The following HPN variants were observed in gnomAD, a reference collection of about 807,000 sequenced individuals.
HPN encodes the protein hepsin.
HPN carries 13 observed loss-of-function variants against 55.9 expected under a neutral mutation model. The ratio of observed to expected loss-of-function variants is 0.23; its 90% confidence interval spans 0.15 to 0.37. The LOEUF (loss-of-function observed/expected upper bound fraction) is 0.37. Among genes scored for constraint, HPN ranks in the 10% least tolerant of loss-of-function variants. The pLI is 1.00. For synonymous variants in HPN, 225 were observed against 240.3 expected (o/e 0.94, Z 0.59); for missense variants, 451 against 575.8 (o/e 0.78, Z 2.22).
chr19:35,063,722 G>C (rs1407825995), intron 9 of HPN, among the ~76,000 whole-genome samples: 1 of 152,160 alleles, frequency 6.6e-6, no homozygotes, highest in Admixed American at 6.5e-5. Flanking sequence ...AAGTAAGGAC[G>C]CATCTTTGAG....
chr19:35,042,096 C>A, intron 1 of HPN: 1 of 1,112,194 alleles, frequency 9.0e-7, no homozygotes, highest in Non-Finnish European at 1.1e-6. Context: ...GAGTTCCAGC[C>A]CTCAGGCCCC....
rs867358162 is a variant in HPN at position 35,048,028 on chromosome 19, A to G, written c.17-1262A>G. 4.3e-3 allele frequency among the ~76,000 whole-genome samples: 380 copies of G among 87,416 alleles called. 7 individuals are homozygous for G. The highest frequency in any genetic ancestry group is 0.014 in the African/African-American group (357 of 25,006). 57.3% of individuals were successfully genotyped at this position (87,416 alleles called of 152,430 possible). A position where few individuals can be genotyped will look rare whatever the true frequency, so the allele number is the denominator to read the frequency against. On this transcript the variant is annotated intron_variant, in intron 2 of 12. Transcript: ENST00000672452. ...AGAAAAAGAAAGAGAGAGAGAGAGA[A>G]AAAGAAAGAAAGAAAGAAAGAAAGA... is the stretch of plus-strand genomic sequence containing the variant.
At chr19:35,044,725 C>T (rs1330697777) in intron 2 of HPN, among the ~76,000 whole-genome samples, 2 of 152,106 alleles carry the variant, frequency 1.3e-5, no homozygotes, top group East Asian at 1.9e-4. Context: ...GCTGGAAATG[C>T]CAGGCTGAGG....
chr19:35,057,406 A>G (rs2064466590), intron 4 of HPN, among the ~76,000 whole-genome samples: 1 of 151,096 alleles, frequency 6.6e-6, no homozygotes, highest in African/African-American at 2.5e-5. Context: ...AGCCTGGGTG[A>G]CAGAGCGAGA....
intron 12 of HPN, 106 bp from the exon 13 acceptor site, chr19:35,066,143 C>A: frequency 2.5e-6 from 4 of 1,612,946 alleles, no homozygotes; most frequent in Non-Finnish European, 3.4e-6. Context: ...AGAAGAGGGC[C>A]CCCCTTGGGA....
rs527909292 is a variant in HPN at position 35,047,748 on chromosome 19, CTTTG to C, written c.17-1537_17-1534del. ...GTGGCTCACGCCTGCAATTCCAACA[CTTTG>C]TTTGGGAGGCTGAGACAAGCAGATA... On this transcript the variant is annotated intron_variant, in intron 2 of 12. Transcript: ENST00000672452. 2.2e-4 allele frequency among the ~76,000 whole-genome samples: 33 copies of C among 152,000 alleles called. No homozygotes were observed. The South Asian group carries it at 3.5e-3, about 16-fold the overall frequency.
Position 35,042,533 on chromosome 19 carries a change from T to G in HPN, c.16+11T>G. The G allele has an allele frequency of 6.2e-7, 1 of 1,606,528 alleles. No individual in the cohort carries two copies. The stretch of plus-strand genomic sequence containing the variant: ...TGGCGCAGAAGGAGGGTGAGTCCCC[T>G]TCCCTGAGCCCCAGCTTTGGCTCTG... On this transcript the variant is annotated intron_variant, in intron 2 of 12. Coordinates refer to ENST00000672452, the MANE Select transcript of HPN (RefSeq NM_001384133.1).
intron 9 of HPN, among the ~76,000 whole-genome samples, chr19:35,061,305 G>A (rs965747347): frequency 9.2e-5 from 14 of 151,594 alleles, no homozygotes; most frequent in African/African-American, 3.4e-4. Flanking sequence ...AAACCAGCCT[G>A]GCCAACATGG....
chr19:35,041,786 G>C lies in HPN; in HGVS notation c.-141G>C. The C allele has an allele frequency of 1.5e-6, 2 of 1,321,124 alleles. No individual in the cohort carries two copies. The highest frequency in any genetic ancestry group is 5.3e-5 in the East Asian group (1 of 18,792). The allele number at this position is 1,321,124 out of a possible 1,614,324, so 81.8% of individuals were successfully genotyped here. On this transcript the variant is annotated 5_prime_UTR_variant, in exon 1 of 13. Transcript: ENST00000672452. ...CTGCCTCCAGGCCGCCCGCTGCTGC[G>C]GGGCCACCATGCTCCTGCCCAGGCC... is the stretch of plus-strand genomic sequence containing the variant.
In HPN at chr19:35,066,244, C is replaced by T. The variant is rs750753666; in HGVS notation, c.1216-5C>T. 1.2e-6 allele frequency: 2 copies of T among 1,613,992 alleles called. No individual in the cohort carries two copies. The highest frequency in any genetic ancestry group is 2.2e-5 in the South Asian group (2 of 91,036). On this transcript the variant is annotated splice_polypyrimidine_tract_variant and splice_region_variant and intron_variant, in intron 12 of 12. Coordinates refer to ENST00000672452, the MANE Select transcript of HPN (RefSeq NM_001384133.1). ...CCTCGGGAGCCCCCAGCTGTCTTTC[C>T]CCAGACTCACTCCGAAGCCAGCGGC...
intron 4 of HPN, among the ~76,000 whole-genome samples, chr19:35,051,391 G>A (rs539985550): frequency 2.0e-5 from 3 of 152,296 alleles, no homozygotes; most frequent in South Asian, 2.1e-4. Context: ...CTACAGGCAT[G>A]AGCCACCACA....
At chr19:35,064,978 T>C (rs2064586541) in intron 9 of HPN, among the ~76,000 whole-genome samples, 2 of 152,234 alleles carry the variant, frequency 1.3e-5, no homozygotes, top group East Asian at 1.9e-4. Context: ...CGTGCCACCA[T>C]GCCCGGCTAA....
intron 2 of HPN, among the ~76,000 whole-genome samples, chr19:35,048,062 A>AAGAG (rs1568356330): frequency 1.9e-5 from 1 of 52,296 alleles, no homozygotes; most frequent in East Asian, 1.3e-3. Context: ...GAAAGAAAGA[A>AAGAG]AGAAAGAAAG....
intron 4 of HPN, among the ~76,000 whole-genome samples, chr19:35,056,820 C>A (rs1391586704): frequency 6.6e-6 from 1 of 152,190 alleles, no homozygotes; most frequent in Non-Finnish European, 1.5e-5. Flanking sequence ...AATACTCCAT[C>A]CTCTGCCTGG....
At chr19:35,042,650 CT>C (rs930756707) in intron 2 of HPN, 128 bp downstream of exon 2, 10 of 695,526 alleles carry the variant, frequency 1.4e-5, no homozygotes, top group East Asian at 2.8e-5. Context: ...ATCCCCACCC[CT>C]GTTAGTCCTC....
Position 35,060,336 on chromosome 19 carries a change from T to C in HPN, c.455-11T>C, listed in dbSNP as rs75285034. On this transcript the variant is annotated splice_polypyrimidine_tract_variant and intron_variant, in intron 7 of 12. Transcript: ENST00000672452. ...CCCTGTCGCCGCCCCCTGCTGACCCTTGTCCCACAGACTGTGGCCGCAGGA... is the reference window on the plus strand; with the variant it reads ...CCCTGTCGCCGCCCCCTGCTGACCCCTGTCCCACAGACTGTGGCCGCAGGA... 0.01 allele frequency: 16,911 copies of C among 1,610,610 alleles called. 764 individuals carry two copies. The highest frequency in any genetic ancestry group is 0.092 in the South Asian group (8,354 of 91,078).
rs1316904946 is a variant in HPN, at chr19:35,049,857, GTTTGT to G, written c.160+345_160+349del. 1.2e-3 allele frequency among the ~76,000 whole-genome samples: 96 copies of G among 82,764 alleles called. 1 individual carries two copies. The highest frequency in any genetic ancestry group is 3.2e-3 in the African/African-American group (70 of 22,118). 54.3% of individuals were successfully genotyped at this position (82,764 alleles called of 152,430 possible). On this transcript the variant is annotated intron_variant, in intron 4 of 12. Coordinates refer to ENST00000672452, the MANE Select transcript of HPN (RefSeq NM_001384133.1). Reference sequence around the variant, plus strand: ...GTAAGTAAAGGTTATGCTAATTTTTGTTTGTTTTTTTTTTTTTTTGCATCCATATA... The same window carrying G: ...GTAAGTAAAGGTTATGCTAATTTTTGTTTTTTTTTTTTTTGCATCCATATA...
At chr19:35,045,940 A>G (rs1413226543) in intron 2 of HPN, among the ~76,000 whole-genome samples, 3 of 152,190 alleles carry the variant, frequency 2.0e-5, no homozygotes, top group Admixed American at 1.3e-4. Context: ...AGACACATAC[A>G]TAGTGGCATT....
chr19:35,063,784 G>T (rs1331515593), intron 9 of HPN, among the ~76,000 whole-genome samples: 3 of 152,194 alleles, frequency 2.0e-5, no homozygotes, highest in Non-Finnish European at 4.4e-5. Flanking sequence ...GGCTGAGGGG[G>T]TCACAGCATG....
Sources: allele counts gnomAD v4.1 joint callset (sites outside exome capture counted in the v4.1 genomes callset), GRCh38; gene constraint gnomAD v4.1.1; transcripts MANE v1.5; gene names NCBI Gene and HGNC (gene_info 2026-07-23, HGNC 2026-07-21).